Variants in TDRD12 observed in about 807,000 individuals in gnomAD.
TDRD12 encodes the protein tudor domain containing 12, also known as putative ATP-dependent RNA helicase TDRD12.
Under a neutral mutation model 133.5 loss-of-function variants are expected in TDRD12, and 158 were observed. The ratio of observed to expected loss-of-function variants is 1.18; its 90% CI spans 1.04 to 1.35. The LOEUF is 1.35. TDRD12 is among the 40% of genes most tolerant of loss of function. The pLI, the probability that TDRD12 is intolerant of heterozygous loss-of-function variation, is 0.00. For missense variants in TDRD12, 1,443 were observed against 1,321.3 expected (o/e 1.09, Z -1.43); for synonymous variants, 460 against 477.9 (o/e 0.96, Z 0.49).
At chr19:32,737,841 G>T (rs1969271401) in intron 2 of TDRD12, among the ~76,000 whole-genome samples, 1 of 152,210 alleles carries the variant, frequency 6.6e-6, no homozygotes, top group Non-Finnish European at 1.5e-5. Context: ...GCCAATAAGA[G>T]TCATGGGGAG....
chr19:32,793,452 C>A (rs891611540), intron 13 of TDRD12, among the ~76,000 whole-genome samples: 1 of 152,230 alleles, frequency 6.6e-6, no homozygotes, highest in African/African-American at 2.4e-5. Context: ...GATAGTTGCT[C>A]AATACCAAGT....
chr19:32,779,280 C>T (rs902999692), intron 11 of TDRD12, among the ~76,000 whole-genome samples: 1 of 152,210 alleles, frequency 6.6e-6, no homozygotes. Flanking sequence ...CCACTAGCCT[C>T]CTCTGTGTGA....
intron 6 of TDRD12, among the ~76,000 whole-genome samples, chr19:32,751,146 C>G (rs1209578562): frequency 1.4e-5 from 2 of 147,218 alleles, no homozygotes; most frequent in African/African-American, 5.0e-5. Flanking sequence ...TGTTGTTTCC[C>G]CCAGTGTCCA....
At chr19:32,824,132 AAC>A (rs1967503492), downstream of TDRD12, 2 of 152,466 alleles carry the variant, frequency 1.3e-5, no homozygotes, top group African/African-American at 2.4e-5. Flanking sequence ...GGTGAAGGAA[AAC>A]GTCATGCACT....
chr19:32,810,385 C>A, intron 23 of TDRD12, 108 bp downstream of exon 23: 2 of 917,780 alleles, frequency 2.2e-6, no homozygotes, highest in Non-Finnish European at 3.1e-6. Flanking sequence ...TGTATGTGAG[C>A]CTGGTGACAG....
intron 13 of TDRD12, 29 bp downstream of exon 13, chr19:32,791,097 C>A: frequency 6.6e-7 from 1 of 1,518,284 alleles, no homozygotes. Flanking sequence ...CTGAATTTAT[C>A]AAGAATGCCA....
At chr19:32,782,431 G>A (rs1482499090) in intron 11 of TDRD12, among the ~76,000 whole-genome samples, 5 of 152,070 alleles carry the variant, frequency 3.3e-5, no homozygotes, top group African/African-American at 1.2e-4. Context: ...AAACATACAT[G>A]TGCATGTGTC....
chr19:32,766,730 T>G (rs1411656839), intron 8 of TDRD12, among the ~76,000 whole-genome samples: 1 of 152,056 alleles, frequency 6.6e-6, no homozygotes, highest in African/African-American at 2.4e-5. Context: ...TTCTCCTGCC[T>G]TAGCCTCCCG....
At chr19:32,736,235 A>G (rs1969219409) in intron 2 of TDRD12, among the ~76,000 whole-genome samples, 1 of 152,186 alleles carries the variant, frequency 6.6e-6, no homozygotes, top group Non-Finnish European at 1.5e-5. Context: ...ATCTATGCTC[A>G]GAAAAAAAGA....
chr19:32,734,843 C>T (rs1969178037), intron 2 of TDRD12, among the ~76,000 whole-genome samples: 1 of 152,088 alleles, frequency 6.6e-6, no homozygotes, highest in South Asian at 2.1e-4. Context: ...TGGTAATTCT[C>T]CCAGTGTTTC....
chr19:32,802,577 G>T (rs1249935644), intron 19 of TDRD12, 79 bp from the exon 20 acceptor site: 20 of 1,465,966 alleles, frequency 1.4e-5, no homozygotes, highest in Non-Finnish European at 1.8e-5. Flanking sequence ...ATGCACTGCA[G>T]TGTGGCCGTG....
Position 32,783,832 on chromosome 19 carries a change from A to C in TDRD12, c.1121+6603A>C, listed in dbSNP as rs902153286. On this transcript the variant is annotated intron_variant, in intron 11 of 27. Transcript: ENST00000444215. ...GATTTTATATCCTGAGACTTTGCTG[A>C]AGTTGCTTATCAGCTTAAGGAAATT... is the stretch of plus-strand genomic sequence containing the variant. Among the ~76,000 whole-genome samples, 16 of 152,318 alleles carry C rather than the reference A, an allele frequency of 1.1e-4. No individual in the cohort carries two copies. The East Asian group carries it at 3.1e-3, about 29-fold the overall frequency.
At chr19:32,818,145 A>C (rs1461266187) in exon 27 of TDRD12, 2 of 701,496 alleles carry the variant, frequency 2.9e-6, no homozygotes, top group African/African-American at 1.8e-5. Context: ...TCCGAGGAGC[A>C]GGGGGGGCAG....
chr19:32,794,521 T>C (rs1971166526), intron 13 of TDRD12, 107 bp from the exon 14 acceptor site: 2 of 613,162 alleles, frequency 3.3e-6, no homozygotes, highest in African/African-American at 1.8e-5. Flanking sequence ...TGGAAAATAC[T>C]GGGTTTGGCA....
At chr19:32,762,214 T>C (rs1435516894) in intron 8 of TDRD12, among the ~76,000 whole-genome samples, 1 of 152,218 alleles carries the variant, frequency 6.6e-6, no homozygotes, top group East Asian at 1.9e-4. Flanking sequence ...GATCAGTTGC[T>C]TCTTTCATGG....
At chr19:32,727,793 T>G (rs914489919) in intron 1 of TDRD12, among the ~76,000 whole-genome samples, 6 of 152,166 alleles carry the variant, frequency 3.9e-5, no homozygotes, top group African/African-American at 1.4e-4. Context: ...CGTAGCCTCC[T>G]GAGTAGCTGG....
At chr19:32,777,747 C>T (rs1388224238) in intron 11 of TDRD12, among the ~76,000 whole-genome samples, 3 of 142,210 alleles carry the variant, frequency 2.1e-5, no homozygotes, top group South Asian at 2.3e-4. Flanking sequence ...TAGGCTCAAG[C>T]GATCCTCCCA....
Position 32,802,913 on chromosome 19 carries a change from A to T in TDRD12, c.2332-9A>T. ...TGATCCACTTCCTTTATTCACCCCC[A>T]ATTTTCAGGGTTCTCCTGCAGAACA... On this transcript the variant is annotated splice_polypyrimidine_tract_variant and intron_variant, in intron 20 of 27. Transcript: ENST00000444215. 7 of 1,532,440 alleles carry T rather than the reference A, an allele frequency of 4.6e-6. No homozygotes were observed. The highest frequency in any genetic ancestry group is 1.2e-5 in the South Asian group (1 of 83,666). The allele number at this position is 1,532,440 out of a possible 1,614,324, so 94.9% of individuals were successfully genotyped here.
intron 4 of TDRD12, among the ~76,000 whole-genome samples, chr19:32,745,790 CTGTGTGTG>C (rs10692093): frequency 1.1e-5 from 1 of 94,828 alleles, no homozygotes; most frequent in Non-Finnish European, 2.0e-5. Flanking sequence ...TGATGTCATT[CTGTGTGTG>C]TGTGTGTGTG....
Sources: allele counts gnomAD v4.1 joint callset (sites outside exome capture counted in the v4.1 genomes callset), GRCh38; gene constraint gnomAD v4.1.1; transcripts MANE v1.5; gene names NCBI Gene and HGNC (gene_info 2026-07-23, HGNC 2026-07-21).